Variants in AAK1 observed in about 807,000 individuals in gnomAD.
AAK1 encodes AP2 associated kinase 1.
AAK1 carries 37 observed loss-of-function variants against 116.0 expected under a neutral mutation model. The ratio of observed to expected loss-of-function variants is 0.32; its 90% CI spans 0.25 to 0.42. The LOEUF is 0.42. AAK1 is among the 10% of genes least tolerant of loss of function. AAK1 has a pLI of 1.00. For synonymous variants in AAK1, 458 were observed against 439.9 expected (o/e 1.04, Z -0.51); for missense variants, 919 against 1,170.6 (o/e 0.79, Z 3.14).
intron 5 of AAK1, among the ~76,000 whole-genome samples, chr2:69,541,832 A>G (rs1324234162): frequency 1.3e-5 from 2 of 152,212 alleles, no homozygotes; most frequent in African/African-American, 4.8e-5. Flanking sequence ...ACACGGTAGA[A>G]TGAAAAGAAA....
intron 2 of AAK1, among the ~76,000 whole-genome samples, chr2:69,602,338 C>A (rs1673615966): frequency 6.6e-6 from 1 of 151,802 alleles, no homozygotes; most frequent in African/African-American, 2.4e-5. Context: ...AAGTTAATAT[C>A]CTGATTGTGA....
chr2:69,579,873 G>C (rs932872634), intron 2 of AAK1, among the ~76,000 whole-genome samples: 1 of 152,094 alleles, frequency 6.6e-6, no homozygotes, highest in Non-Finnish European at 1.5e-5. Context: ...CCATATATTT[G>C]ACTTTCTCAA....
chr2:69,469,797 T>C lies in AAK1; in HGVS notation c.*6072A>G, dbSNP rs964717362. On this transcript the variant is annotated 3_prime_UTR_variant, in exon 22 of 22. Transcript: ENST00000409085. Reference sequence around the variant, plus strand: ...CAAGAAGTCAAAACATACTTCTTTTTCTTGCTCTGATGTAGGACTGTGTGC... The same window carrying C: ...CAAGAAGTCAAAACATACTTCTTTTCCTTGCTCTGATGTAGGACTGTGTGC... 5.1e-6 allele frequency: 5 copies of C among 985,360 alleles called. No individual in the cohort carries two copies. In the African/African-American group the frequency reaches 7.0e-5, roughly 14 times the overall value. 61.0% of individuals were successfully genotyped at this position (985,360 alleles called of 1,614,324 possible).
chr2:69,502,045 T>A lies in AAK1; in HGVS notation c.2269+3524A>T, dbSNP rs182886438. On this transcript the variant is annotated intron_variant, in intron 16 of 21. Transcript: ENST00000409085. The stretch of plus-strand genomic sequence containing the variant: ...AAGAATAAAAAAGAAAACAGAAGAT[T>A]TTATAAATCTAAGTGTTGTCTCTGA... Among the ~76,000 whole-genome samples, 694 of 152,140 alleles carry A rather than the reference T, an allele frequency of 4.6e-3. 3 individuals carry two copies. Among genetic ancestry groups the A allele is most frequent in the African/African-American group, 0.016 (660 of 41,524 alleles).
At position 69,591,173 on chromosome 2, in the gene AAK1, T is replaced by C. The variant is rs910836329; in HGVS notation, c.164-34195A>G. ...TCACTCTCTATGACTTTTAGAAATA[T>C]GGAGATTTAGGCACAAAGTGGAGAA... On this transcript the variant is annotated intron_variant, in intron 2 of 21. Transcript: ENST00000409085. Among the ~76,000 whole-genome samples, 6 of 152,296 alleles carry C rather than the reference T, an allele frequency of 3.9e-5. No homozygotes were observed. The East Asian group carries it at 9.6e-4, about 24-fold the overall frequency.
At position 69,495,928 on chromosome 2, in the gene AAK1, A is replaced by G. The variant is rs540278793; in HGVS notation, c.2365+57T>C. ...GGGTATTTAAGGCAGAACTTTCTAC[A>G]AGGCCTGGGACATGCAAATCAAGCT... On this transcript the variant is annotated intron_variant, in intron 17 of 21. Coordinates refer to ENST00000409085, the MANE Select transcript of AAK1 (RefSeq NM_014911.5). 6 of 1,408,538 alleles carry G rather than the reference A, an allele frequency of 4.3e-6. No homozygotes were observed. The African/African-American group carries it at 8.7e-5, about 20-fold the overall frequency. 87.3% of individuals were successfully genotyped at this position (1,408,538 alleles called of 1,614,324 possible). A position where few individuals can be genotyped will look rare whatever the true frequency, so the allele number is the denominator to read the frequency against.
In AAK1 at chr2:69,544,478, C is replaced by T. The variant is rs373886498; in HGVS notation, c.349G>A (p.Gly117Ser). 8.8e-5 allele frequency: 142 copies of T among 1,613,778 alleles called. 1 individual carries two copies. In the East Asian group the frequency reaches 1.3e-3, roughly 15 times the overall value. ...IDSSINNVSS[G>S]DVWEVLILMD... ...AGAATGAGCACTTCCCATACATCAC[C>T]GCTACTCACGTTGTTGATACTAGAA... Residue 117 changes from glycine to serine, a missense_variant, in exon 4 of 22, where the codon GGT becomes AGT. This residue lies in a region of AAK1 where 317 missense variants were observed against 490.4 expected (regional missense o/e 0.65). Coordinates refer to ENST00000409085, the MANE Select transcript of AAK1 (RefSeq NM_014911.5).
At chr2:69,485,739 C>A (rs572349392) in intron 17 of AAK1, among the ~76,000 whole-genome samples, 1 of 148,872 alleles carries the variant, frequency 6.7e-6, no homozygotes, top group East Asian at 2.0e-4. Context: ...GGCTCACTTG[C>A]AACCTCCCTC....
intron 2 of AAK1, among the ~76,000 whole-genome samples, chr2:69,626,895 C>A (rs1448452414): frequency 6.6e-6 from 1 of 152,128 alleles, no homozygotes; most frequent in African/African-American, 2.4e-5. Context: ...CCTTCATGTG[C>A]CTACTCTTTC....
rs761649293 is a variant in AAK1, at chr2:69,542,622, G to A, written c.435C>T (p.Gly145=). 15 of 1,613,886 alleles carry A rather than the reference G, an allele frequency of 9.3e-6. No individual in the cohort carries two copies. Among genetic ancestry groups the A allele is most frequent in the Non-Finnish European group, 1.2e-5 (14 of 1,179,882 alleles). ...TCTGGAGCACTTCATTCTCTGTAAA[G>A]CCTGTTTGCAGGCGCTGGTTCATCA... is the stretch of plus-strand genomic sequence containing the variant. The part of the protein sequence containing the change: ...VNLMNQRLQT[G]FTENEVLQIF... Residue 145 remains glycine, a synonymous_variant, in exon 5 of 22, where the codon GGC becomes GGT. Transcript: ENST00000409085.
intron 2 of AAK1, among the ~76,000 whole-genome samples, chr2:69,566,064 A>G (rs982987677): frequency 6.6e-6 from 1 of 151,742 alleles, no homozygotes; most frequent in African/African-American, 2.4e-5. Flanking sequence ...ACCTGGGTGC[A>G]CTATTCAAGT....
At position 69,640,047 on chromosome 2, in the gene AAK1, ACACACACTCTCTCT is replaced by A. The variant is rs745608659; in HGVS notation, c.163+2817_163+2830del. ...CACACACACACACACACACACACAC[ACACACACTCTCTCT>A]CTCTCTCTCTCTCTCTCTCCCCCCC... On this transcript the variant is annotated intron_variant, in intron 2 of 21. Coordinates refer to ENST00000409085, the MANE Select transcript of AAK1 (RefSeq NM_014911.5). Among the ~76,000 whole-genome samples, 16 of 135,618 alleles carry A rather than the reference ACACACACTCTCTCT, an allele frequency of 1.2e-4. No homozygotes were observed. The South Asian group carries it at 2.8e-3, about 24-fold the overall frequency. 89.0% of individuals were successfully genotyped at this position (135,618 alleles called of 152,430 possible). A position where few individuals can be genotyped will look rare whatever the true frequency, so the allele number is the denominator to read the frequency against.
At chr2:69,565,209 G>A (rs1376176101) in intron 2 of AAK1, among the ~76,000 whole-genome samples, 1 of 152,364 alleles carries the variant, frequency 6.6e-6, no homozygotes, top group East Asian at 1.9e-4. Flanking sequence ...ATTCCTCAAT[G>A]CCAGCCAATT....
chr2:69,585,033 C>G (rs533507913), intron 2 of AAK1, among the ~76,000 whole-genome samples: 1 of 152,310 alleles, frequency 6.6e-6, no homozygotes, highest in East Asian at 1.9e-4. Context: ...CATCTACATA[C>G]ATGTTCCCAT....
At chr2:69,500,034 TGTC>T (rs1675909220) in intron 16 of AAK1, 2 of 152,232 alleles carry the variant, frequency 1.3e-5, no homozygotes, top group Admixed American at 6.5e-5. Flanking sequence ...AGACACAGTC[TGTC>T]ATTTTTGCAG....
chr2:69,502,354 G>A (rs1177881267), intron 16 of AAK1, among the ~76,000 whole-genome samples: 1 of 151,688 alleles, frequency 6.6e-6, no homozygotes, highest in Non-Finnish European at 1.5e-5. Flanking sequence ...GGGTGCGGTG[G>A]CTCACGTCTG....
At chr2:69,567,141 A>G (rs990500838) in intron 2 of AAK1, among the ~76,000 whole-genome samples, 1 of 152,170 alleles carries the variant, frequency 6.6e-6, no homozygotes, top group Non-Finnish European at 1.5e-5. Context: ...CTTCTTCAGC[A>G]TTGCTTATGC....
At chr2:69,550,532 G>T (rs1195029711) in intron 3 of AAK1, among the ~76,000 whole-genome samples, 1 of 151,834 alleles carries the variant, frequency 6.6e-6, no homozygotes, top group African/African-American at 2.4e-5. Context: ...CTCATCTCTT[G>T]ACCTCATGAT....
intron 21 of AAK1, among the ~76,000 whole-genome samples, chr2:69,476,624 T>A (rs1674867665): frequency 6.6e-6 from 1 of 152,204 alleles, no homozygotes; most frequent in African/African-American, 2.4e-5. Context: ...CTAAAGATCA[T>A]TTTGCTTTTG....
Sources: gnomAD v4.1 joint callset for allele counts (sites outside exome capture counted in the v4.1 genomes callset) on GRCh38, gnomAD v4.1.1 for gene constraint, gnomAD v4.1.1 regional missense constraint, MANE v1.5 for transcripts, NCBI Gene and HGNC (gene_info 2026-07-23, HGNC 2026-07-21) for gene names.